The following CARMIL1 variants were observed in gnomAD, a reference collection of about 807,000 sequenced individuals.
CARMIL1 encodes the protein F-actin-uncapping protein LRRC16A.
Under a neutral mutation model 177.1 loss-of-function variants are expected in CARMIL1, and 90 were observed. That is an observed-to-expected ratio of 0.51 (90% confidence interval 0.43 to 0.61). The LOEUF is 0.61. CARMIL1 is among the 20% of genes least tolerant of loss of function. The probability of loss-of-function intolerance (pLI) is 0.00; values close to 1 mark genes in which losing one functional copy is unlikely to be tolerated. For missense variants in CARMIL1, 1,380 were observed against 1,667.0 expected (o/e 0.83, Z 3.00); for synonymous variants, 577 against 606.2 (o/e 0.95, Z 0.71).
At chr6:25,285,440 C>T (rs542293996) in intron 2 of CARMIL1, among the ~76,000 whole-genome samples, 11 of 152,256 alleles carry the variant, frequency 7.2e-5, no homozygotes, top group East Asian at 3.9e-4. Context: ...GCTAGTGTTG[C>T]GACTGGACTT....
intron 2 of CARMIL1, among the ~76,000 whole-genome samples, chr6:25,348,097 A>G (rs1384233753): frequency 3.9e-5 from 6 of 152,192 alleles, no homozygotes; most frequent in Non-Finnish European, 5.9e-5. Context: ...GCAGATTTCT[A>G]GTTACAAAAG....
intron 24 of CARMIL1, among the ~76,000 whole-genome samples, chr6:25,530,570 A>G (rs1286953308): frequency 6.6e-6 from 1 of 152,200 alleles, no homozygotes; most frequent in Non-Finnish European, 1.5e-5. Flanking sequence ...CAATTAGTAG[A>G]CGTAAACGAG....
intron 32 of CARMIL1, among the ~76,000 whole-genome samples, chr6:25,599,560 CCTT>C (rs1413560542): frequency 6.6e-4 from 100 of 152,276 alleles, no homozygotes; most frequent in Non-Finnish European, 1.0e-4. Context: ...AGCATATTCT[CCTT>C]CTGAAAACTC....
At position 25,427,878 on chromosome 6, in the gene CARMIL1, T is replaced by C. The variant is rs751311898; in HGVS notation, c.249+1318T>C. 9.5e-4 allele frequency among the ~76,000 whole-genome samples: 145 copies of C among 152,234 alleles called. 1 individual carries two copies. The highest frequency in any genetic ancestry group is 1.1e-3 in the Admixed American group (17 of 15,284). On this transcript the variant is annotated intron_variant, in intron 4 of 36. Transcript: ENST00000329474. ...CCTTCTGCCATTACAGAAATTGGGC[T>C]GTTTGTTTTCTTATTGAATTTTGAG...
At chr6:25,400,309 G>A (rs1793782021) in intron 2 of CARMIL1, among the ~76,000 whole-genome samples, 1 of 152,142 alleles carries the variant, frequency 6.6e-6, no homozygotes, top group African/African-American at 2.4e-5. Context: ...CCAGCGCCTG[G>A]TTCTGCCTGT....
At chr6:25,423,904 T>A (rs995022201) in intron 3 of CARMIL1, among the ~76,000 whole-genome samples, 1 of 152,230 alleles carries the variant, frequency 6.6e-6, no homozygotes, top group African/African-American at 2.4e-5. Context: ...TCCTGCCTCT[T>A]CCTGCCCATA....
chr6:25,450,311 C>T, intron 6 of CARMIL1, 28 bp from the exon 7 acceptor site: 1 of 1,537,362 alleles, frequency 6.5e-7, no homozygotes, highest in Non-Finnish European at 9.0e-7. Context: ...TGCCAAAGAC[C>T]TGTCAGTGTT....
In CARMIL1 at chr6:25,452,411, A is replaced by G. The variant is rs1402686239; in HGVS notation, c.614+1700A>G. The G allele has an allele frequency of 6.8e-6, 4 of 588,544 alleles. No homozygotes were observed. In the Admixed American group the frequency reaches 1.2e-4, roughly 18 times the overall value. 36.5% of individuals were successfully genotyped at this position (588,544 alleles called of 1,614,324 possible). The stretch of plus-strand genomic sequence containing the variant: ...ACAAGAAAATTGCACGTGGAATAAG[A>G]TAGAAGTTTACAGTCCTCCAGTGTT... On this transcript the variant is annotated intron_variant, in intron 8 of 36. Transcript: ENST00000329474.
chr6:25,490,795 G>A (rs1803153685), intron 13 of CARMIL1, among the ~76,000 whole-genome samples: 1 of 152,120 alleles, frequency 6.6e-6, no homozygotes, highest in African/African-American at 2.4e-5. Flanking sequence ...ATTTTAAAGT[G>A]TTAAGTGTTT....
intron 11 of CARMIL1, among the ~76,000 whole-genome samples, chr6:25,477,355 A>G (rs999518430): frequency 6.6e-6 from 1 of 152,090 alleles, no homozygotes. Flanking sequence ...GTTGTGGTAA[A>G]GGAGGTTCGA....
chr6:25,570,891 T>G (rs1812015165), intron 29 of CARMIL1, among the ~76,000 whole-genome samples: 1 of 152,198 alleles, frequency 6.6e-6, no homozygotes, highest in African/African-American at 2.4e-5. Context: ...TCCCTATACC[T>G]TTTCTTCCTA....
chr6:25,517,234 A>G, intron 21 of CARMIL1, 113 bp from the exon 22 acceptor site: 1 of 707,046 alleles, frequency 1.4e-6, no homozygotes, highest in Non-Finnish European at 2.5e-6. Flanking sequence ...TTGCTCACAT[A>G]ATGCAGCTGT....
At chr6:25,383,366 T>C (rs1460516904) in intron 2 of CARMIL1, among the ~76,000 whole-genome samples, 1 of 152,150 alleles carries the variant, frequency 6.6e-6, no homozygotes, top group Non-Finnish European at 1.5e-5. Flanking sequence ...AATAATATAT[T>C]TTAAAGATAC....
chr6:25,403,474 C>G (rs1000844396), intron 2 of CARMIL1, among the ~76,000 whole-genome samples: 2 of 152,146 alleles, frequency 1.3e-5, no homozygotes, highest in African/African-American at 2.4e-5. Context: ...TGGACAACAG[C>G]CAATAAAGCC....
chr6:25,452,409 A>G, intron 8 of CARMIL1: 1 of 591,078 alleles, frequency 1.7e-6, no homozygotes, highest in Non-Finnish European at 3.0e-6. Context: ...ACGTGGAATA[A>G]GATAGAAGTT....
chr6:25,605,906 TA>T, intron 34 of CARMIL1, among the ~76,000 whole-genome samples, 154 bp from the exon 35 acceptor site: 1 of 152,338 alleles, frequency 6.6e-6, no homozygotes, highest in South Asian at 2.1e-4. Flanking sequence ...GTTTTGATTT[TA>T]AAACATGCTA....
At chr6:25,457,989 C>G (rs1328262) in intron 8 of CARMIL1, among the ~76,000 whole-genome samples, 1 of 152,016 alleles carries the variant, frequency 6.6e-6, no homozygotes, top group Non-Finnish European at 1.5e-5. Flanking sequence ...TCACAGTGTT[C>G]TTAAAATTTC....
chr6:25,426,421 T>C (rs1562120381), intron 3 of CARMIL1, 80 bp from the exon 4 acceptor site: 2 of 1,112,098 alleles, frequency 1.8e-6, no homozygotes, highest in Non-Finnish European at 1.3e-6. Context: ...GATTTTTTTT[T>C]TTTTTTTTAC....
chr6:25,418,419 C>T (rs150219293), intron 2 of CARMIL1, among the ~76,000 whole-genome samples: 1 of 152,142 alleles, frequency 6.6e-6, no homozygotes, highest in African/African-American at 2.4e-5. Flanking sequence ...ATTATGTAGC[C>T]AGTCTTGCTA....
Sources: gnomAD v4.1 joint callset for allele counts (sites outside exome capture counted in the v4.1 genomes callset) on GRCh38, gnomAD v4.1.1 for gene constraint, MANE v1.5 for transcripts, NCBI Gene and HGNC (gene_info 2026-07-23, HGNC 2026-07-21) for gene names.